PTPRQ: variants seen among roughly 807,000 people sequenced by gnomAD.
PTPRQ encodes the protein phosphatidylinositol phosphatase PTPRQ.
PTPRQ carries 199 observed loss-of-function variants against 246.0 expected under a neutral mutation model. The ratio of observed to expected loss-of-function variants is 0.81; its 90% confidence interval spans 0.72 to 0.91. PTPRQ has a LOEUF of 0.91. PTPRQ is among the 40% of genes least tolerant of loss of function. The probability of loss-of-function intolerance (pLI) is 0.00; values close to 1 mark genes in which losing one functional copy is unlikely to be tolerated. For synonymous variants in PTPRQ, 869 were observed against 853.2 expected (o/e 1.02, Z -0.32); for missense variants, 2,624 against 2,528.4 (o/e 1.04, Z -0.81).
At chr12:80,573,421 G>A (rs997364013) in intron 25 of PTPRQ, among the ~76,000 whole-genome samples, 5 of 151,952 alleles carry the variant, frequency 3.3e-5, no homozygotes, top group Admixed American at 6.6e-5. Flanking sequence ...CCCGGGAGGT[G>A]GAGCTTGCAG....
intron 3 of PTPRQ, among the ~76,000 whole-genome samples, chr12:80,452,572 A>C (rs1234346802): frequency 6.6e-6 from 1 of 152,120 alleles, no homozygotes. Context: ...TGGTGACAAA[A>C]TCTCTCAGCA....
chr12:80,520,452 T>C lies in PTPRQ; in HGVS notation c.2678+10009T>C, dbSNP rs2120751629. Among the ~76,000 whole-genome samples the C allele has an allele frequency of 2.0e-5, 3 of 152,236 alleles. 1 individual carries two copies. Among genetic ancestry groups the C allele is most frequent in the Middle Eastern group, 6.8e-3 (2 of 294 alleles). On this transcript the variant is annotated intron_variant, in intron 17 of 44. Coordinates refer to ENST00000644991, the MANE Select transcript of PTPRQ (RefSeq NM_001145026.2). Reference sequence around the variant, plus strand: ...CTATACATGTGCCATGTTGGTGTGCTGTACCCATTAACTCACCATTTAACA... The same window carrying C: ...CTATACATGTGCCATGTTGGTGTGCCGTACCCATTAACTCACCATTTAACA...
intron 9 of PTPRQ, among the ~76,000 whole-genome samples, chr12:80,485,277 A>G (rs1894235880): frequency 6.6e-6 from 1 of 152,078 alleles, no homozygotes; most frequent in Non-Finnish European, 1.5e-5. Flanking sequence ...CACTTCATCA[A>G]CTGTTCACCT....
chr12:80,528,023 C>T (rs546493141), intron 17 of PTPRQ, among the ~76,000 whole-genome samples: 38 of 152,090 alleles, frequency 2.5e-4, no homozygotes, highest in Admixed American at 1.9e-3. Context: ...TTGGGGCCAT[C>T]GACGCTGCAG....
chr12:80,649,537 G>T, intron 36 of PTPRQ, 51 bp from the exon 37 acceptor site: 4 of 1,534,540 alleles, frequency 2.6e-6, no homozygotes, highest in Non-Finnish European at 3.5e-6. Flanking sequence ...ATGCTAACGC[G>T]AACAAATACA....
intron 25 of PTPRQ, among the ~76,000 whole-genome samples, chr12:80,577,813 G>A (rs1897315225): frequency 6.6e-6 from 1 of 151,980 alleles, no homozygotes; most frequent in Non-Finnish European, 1.5e-5. Flanking sequence ...AGACTAATTT[G>A]GCACATTAGT....
intron 38 of PTPRQ, among the ~76,000 whole-genome samples, chr12:80,657,623 A>T (rs1418733132): frequency 6.6e-6 from 1 of 151,860 alleles, no homozygotes; most frequent in Non-Finnish European, 1.5e-5. Flanking sequence ...TCAAACAGTG[A>T]AATACTGTAT....
At chr12:80,455,765 G>T (rs556224109) in intron 3 of PTPRQ, among the ~76,000 whole-genome samples, 1 of 127,632 alleles carries the variant, frequency 7.8e-6, no homozygotes, top group Non-Finnish European at 1.6e-5. Context: ...TAATTTTTTC[G>T]TATTTTATTT....
At chr12:80,634,721 C>T (rs573952836) in intron 34 of PTPRQ, 133 of 499,898 alleles carry the variant, frequency 2.7e-4, no homozygotes, top group African/African-American at 2.4e-3. Context: ...AAATTTAGAA[C>T]TTCATCCCAA....
In PTPRQ at chr12:80,549,552, GAAT is replaced by G. The variant is rs1896406898; in HGVS notation, c.4109_4111del (p.Ile1370del). On this transcript the variant is annotated inframe_deletion, in exon 25 of 45. Transcript: ENST00000644991. ...TGGGATCCACCCAAAAAGGCAAATG[GAAT>G]AATAACGCAGTATATGGTAACAGTT... 2 of 1,551,100 alleles carry G rather than the reference GAAT, an allele frequency of 1.3e-6. No individual in the cohort carries two copies. The highest frequency in any genetic ancestry group is 1.7e-6 in the Non-Finnish European group (2 of 1,146,572).
Position 80,657,996 on chromosome 12 carries a change from A to C in PTPRQ, c.6127A>C (p.Arg2043=). 1.4e-6 allele frequency: 2 copies of C among 1,421,918 alleles called. No individual in the cohort carries two copies. Among genetic ancestry groups the C allele is most frequent in the Non-Finnish European group, 9.2e-7 (1 of 1,087,326 alleles). 88.1% of individuals were successfully genotyped at this position (1,421,918 alleles called of 1,614,324 possible). Reference sequence around the variant, plus strand: ...ATATTTTCTTCTAGATAATAATAACAGAGTAAAGCTGATAGCTGACGCTAG... The same window carrying C: ...ATATTTTCTTCTAGATAATAATAACCGAGTAAAGCTGATAGCTGACGCTAG... ...FPNIKPYNNN[R]VKLIADASVP... Residue 2043 remains arginine, a synonymous_variant, in exon 39 of 45, where the codon AGA becomes CGA. Coordinates refer to ENST00000644991, the MANE Select transcript of PTPRQ (RefSeq NM_001145026.2).
chr12:80,647,450 A>G (rs1179497288), intron 35 of PTPRQ, among the ~76,000 whole-genome samples: 2 of 152,158 alleles, frequency 1.3e-5, no homozygotes, highest in Non-Finnish European at 2.9e-5. Context: ...GCACTGGGCA[A>G]CAAGTTATCT....
At chr12:80,499,850 T>C (rs1565747757) in intron 14 of PTPRQ, among the ~76,000 whole-genome samples, 1 of 151,864 alleles carries the variant, frequency 6.6e-6, no homozygotes, top group Non-Finnish European at 1.5e-5. Context: ...CTAAGATTAG[T>C]TTTTATTTTC....
chr12:80,659,402 T>C (rs1221222771), intron 39 of PTPRQ, among the ~76,000 whole-genome samples: 3 of 152,064 alleles, frequency 2.0e-5, no homozygotes, highest in African/African-American at 4.8e-5. Flanking sequence ...ATTTCATCAC[T>C]ACTCTGATAA....
intron 7 of PTPRQ, among the ~76,000 whole-genome samples, chr12:80,471,009 T>C (rs915108541): frequency 2.6e-5 from 4 of 152,160 alleles, no homozygotes; most frequent in Admixed American, 2.0e-4. Flanking sequence ...GATATTAAAA[T>C]CAGCACAAAT....
rs1592757386 is a variant in PTPRQ, at chr12:80,648,924, G to A, written c.5942+1G>A. The A allele has an allele frequency of 2.0e-6, 3 of 1,511,344 alleles. No homozygotes were observed. Among genetic ancestry groups the A allele is most frequent in the East Asian group, 2.6e-5 (1 of 38,082 alleles). 93.6% of individuals were successfully genotyped at this position (1,511,344 alleles called of 1,614,324 possible). On this transcript the variant is annotated splice_donor_variant, in intron 36 of 44. Coordinates refer to ENST00000644991, the MANE Select transcript of PTPRQ (RefSeq NM_001145026.2). LOFTEE classifies it high-confidence loss of function. ...TACTTAGTTATAGAAAATCCATCAA[G>A]TAAGTTTGTTAAATATTTTCTTTCT... is the stretch of plus-strand genomic sequence containing the variant.
At chr12:80,540,207 A>C (rs954526960) in intron 20 of PTPRQ, among the ~76,000 whole-genome samples, 1 of 152,078 alleles carries the variant, frequency 6.6e-6, no homozygotes, top group Non-Finnish European at 1.5e-5. Flanking sequence ...TTATGGGCAC[A>C]AAAAGTACTG....
At chr12:80,467,913 C>T (rs1003586668) in intron 6 of PTPRQ, among the ~76,000 whole-genome samples, 5 of 152,088 alleles carry the variant, frequency 3.3e-5, no homozygotes, top group South Asian at 2.1e-4. Context: ...TGCTAAATGA[C>T]GAGTTAATGG....
intron 25 of PTPRQ, among the ~76,000 whole-genome samples, chr12:80,581,864 C>T (rs548993912): frequency 1.3e-5 from 2 of 152,200 alleles, no homozygotes; most frequent in South Asian, 2.1e-4. Context: ...CAATAAGCTT[C>T]ACACTGAAAC....
Sources: allele counts gnomAD v4.1 joint callset (sites outside exome capture counted in the v4.1 genomes callset), GRCh38; gene constraint gnomAD v4.1.1; transcripts MANE v1.5; gene names NCBI Gene and HGNC (gene_info 2026-07-23, HGNC 2026-07-21).